MGAT4C: variants seen among roughly 807,000 people sequenced by gnomAD.
The protein encoded by MGAT4C is MGAT4 family member C.
In MGAT4C, 19 loss-of-function variants were observed where a neutral mutation model predicts 40.1. The observed-to-expected ratio is 0.47, with a 90% CI of 0.33 to 0.70. The LOEUF (loss-of-function observed/expected upper bound fraction) is 0.70. Ranked by LOEUF, MGAT4C falls within the 30% of genes least tolerant of loss-of-function variation. The probability of loss-of-function intolerance (pLI) is 0.02; values close to 1 mark genes in which losing one functional copy is unlikely to be tolerated. For missense variants in MGAT4C, 491 were observed against 563.2 expected (o/e 0.87, Z 1.30); for synonymous variants, 181 against 187.1 (o/e 0.97, Z 0.27).
intron 2 of MGAT4C, among the ~76,000 whole-genome samples, chr12:86,627,722 C>G (rs1962867805): frequency 6.6e-6 from 1 of 152,084 alleles, no homozygotes; most frequent in Non-Finnish European, 1.5e-5. Flanking sequence ...ACATTCACAC[C>G]AAAACCCCAT....
rs569646956 is a variant in MGAT4C, at chr12:86,815,755, A to G, written c.-262+22911T>C. Among the ~76,000 whole-genome samples the G allele has an allele frequency of 1.7e-4, 26 of 151,730 alleles. No individual in the cohort carries two copies. The South Asian group carries it at 2.1e-3, about 12-fold the overall frequency. On this transcript the variant is annotated intron_variant, in intron 1 of 7. Transcript: ENST00000548651. ...CTATTACTCTAAGTTAAGTAACTCA[A>G]GAATGGAAAACCAAACATCATATGT...
At chr12:86,107,174 G>A (rs948985746) in intron 1 of MGAT4C, among the ~76,000 whole-genome samples, 2 of 152,174 alleles carry the variant, frequency 1.3e-5, no homozygotes, top group East Asian at 1.9e-4. Flanking sequence ...AATCTAGCTC[G>A]CATCTTCAGG....
intron 3 of MGAT4C, among the ~76,000 whole-genome samples, chr12:86,426,655 A>G (rs751863351): frequency 6.6e-6 from 1 of 152,124 alleles, no homozygotes; most frequent in Non-Finnish European, 1.5e-5. Flanking sequence ...AGTTCAAGAT[A>G]AAAAGAGAAG....
chr12:86,742,888 T>C (rs527549246), intron 1 of MGAT4C, among the ~76,000 whole-genome samples: 1 of 151,738 alleles, frequency 6.6e-6, no homozygotes, highest in South Asian at 2.1e-4. Context: ...ATTCCCAAAC[T>C]AAAGCTATTA....
chr12:86,510,634 G>A (rs896743100), intron 2 of MGAT4C, among the ~76,000 whole-genome samples: 2 of 152,060 alleles, frequency 1.3e-5, no homozygotes, highest in African/African-American at 4.8e-5. Flanking sequence ...CAAAATAAAG[G>A]GATGGAGGAA....
rs531164925 is a variant in MGAT4C, at chr12:86,564,284, G to A, written c.-228-129019C>T. Among the ~76,000 whole-genome samples, 9 of 152,114 alleles carry A rather than the reference G, an allele frequency of 5.9e-5. No homozygotes were observed. The East Asian group carries it at 1.7e-3, about 29-fold the overall frequency. On this transcript the variant is annotated intron_variant, in intron 2 of 7. Transcript: ENST00000548651. The stretch of plus-strand genomic sequence containing the variant: ...TTTTCTGGTATGCAACCATTGATTT[G>A]GCAAATCCCTTTTTTTTTTTCTATT...
chr12:86,592,587 G>A (rs1390801534), intron 2 of MGAT4C, among the ~76,000 whole-genome samples: 2 of 152,058 alleles, frequency 1.3e-5, no homozygotes, highest in Non-Finnish European at 2.9e-5. Context: ...AATTTTAGGC[G>A]GCTGAAAGGG....
chr12:86,494,861 A>G (rs974140428), intron 2 of MGAT4C, among the ~76,000 whole-genome samples: 1 of 152,102 alleles, frequency 6.6e-6, no homozygotes, highest in African/African-American at 2.4e-5. Flanking sequence ...TAGCTTTCTG[A>G]TAACTAGGGA....
At chr12:86,239,630 A>G (rs541710757) in intron 1 of MGAT4C, among the ~76,000 whole-genome samples, 17 of 152,224 alleles carry the variant, frequency 1.1e-4, no homozygotes, top group South Asian at 8.3e-4. Flanking sequence ...TCATCCTTTT[A>G]TAAAGTTTGA....
chr12:86,720,884 G>C (rs372044681), intron 2 of MGAT4C, among the ~76,000 whole-genome samples: 1 of 152,182 alleles, frequency 6.6e-6, no homozygotes, highest in African/African-American at 2.4e-5. Context: ...TGGTGGTTGA[G>C]AGTTGGGAAA....
At chr12:86,213,261 T>A (rs1410978337) in intron 1 of MGAT4C, among the ~76,000 whole-genome samples, 1 of 152,160 alleles carries the variant, frequency 6.6e-6, no homozygotes, top group East Asian at 1.9e-4. Flanking sequence ...ACTTGTCAAG[T>A]TGTTTCCAAA....
chr12:86,825,579 C>T (rs972996456), intron 1 of MGAT4C, among the ~76,000 whole-genome samples: 7 of 151,024 alleles, frequency 4.6e-5, no homozygotes, highest in Non-Finnish European at 8.9e-5. Flanking sequence ...ATAAGAGCTT[C>T]GATATACACA....
chr12:86,130,710 C>T (rs1218947223), intron 1 of MGAT4C, among the ~76,000 whole-genome samples: 1 of 151,890 alleles, frequency 6.6e-6, no homozygotes, highest in Admixed American at 6.5e-5. Flanking sequence ...ACATCCATTA[C>T]ATAATCTTAA....
At chr12:86,118,355 T>A (rs760447196) in intron 1 of MGAT4C, among the ~76,000 whole-genome samples, 93 of 152,128 alleles carry the variant, frequency 6.1e-4, no homozygotes, top group Middle Eastern at 6.8e-3. Context: ...GAGGGAGGCA[T>A]TTTGGTAGGG....
chr12:86,136,596 T>C (rs1354736364), intron 1 of MGAT4C, among the ~76,000 whole-genome samples: 5 of 152,192 alleles, frequency 3.3e-5, no homozygotes, highest in Non-Finnish European at 7.3e-5. Context: ...CTTTAAGTGT[T>C]ATATTACTCA....
intron 1 of MGAT4C, among the ~76,000 whole-genome samples, chr12:86,053,213 G>A (rs1032057133): frequency 1.3e-5 from 2 of 150,724 alleles, no homozygotes; most frequent in African/African-American, 4.9e-5. Flanking sequence ...TTGGTGACTG[G>A]AACATTGGAA....
In MGAT4C at chr12:86,058,496, T is replaced by C. The variant is rs61931134; in HGVS notation, c.-56-8773A>G. Among the ~76,000 whole-genome samples the C allele has an allele frequency of 8.4e-3, 1,281 of 152,246 alleles. 12 individuals carry two copies. The highest frequency in any genetic ancestry group is 0.014 in the Non-Finnish European group (934 of 67,986). ...AATTATGCCTTACAATTTACAGTTC[T>C]TTAAAATTGGGAAATGCTTTAAGCA... On this transcript the variant is annotated intron_variant, in intron 1 of 4. Transcript: ENST00000611864.
intron 4 of MGAT4C, among the ~76,000 whole-genome samples, chr12:86,266,692 A>T (rs372912998): frequency 7.3e-4 from 111 of 152,256 alleles, no homozygotes; most frequent in African/African-American, 2.6e-3. Flanking sequence ...CAATTTTTTG[A>T]ACAGTTTCAG....
At chr12:86,268,037 A>G (rs1952833287) in intron 4 of MGAT4C, among the ~76,000 whole-genome samples, 1 of 152,162 alleles carries the variant, frequency 6.6e-6, no homozygotes, top group Non-Finnish European at 1.5e-5. Context: ...GATTTGAAGT[A>G]TCAAGGGATC....
Sources: gnomAD v4.1 joint callset for allele counts (sites outside exome capture counted in the v4.1 genomes callset) on GRCh38, gnomAD v4.1.1 for gene constraint, MANE v1.5 for transcripts, NCBI Gene and HGNC (gene_info 2026-07-23, HGNC 2026-07-21) for gene names.